Variants in NEK4 observed in about 807,000 individuals in gnomAD.
NEK4 encodes the protein serine/threonine-protein kinase Nek4.
NEK4 carries 86 observed loss-of-function variants against 98.4 expected under a neutral mutation model. The observed-to-expected ratio is 0.87, with a 90% CI of 0.73 to 1.05. NEK4 has a LOEUF of 1.05. Ranked by LOEUF, NEK4 falls within the 50% of genes least tolerant of loss-of-function variation. NEK4 has a pLI of 0.00. For synonymous variants in NEK4, 328 were observed against 342.2 expected (o/e 0.96, Z 0.46); for missense variants, 898 against 950.3 (o/e 0.94, Z 0.72).
At chr3:52,732,331 C>T (rs2097370611) in intron 15 of NEK4, among the ~76,000 whole-genome samples, 1 of 152,096 alleles carries the variant, frequency 6.6e-6, no homozygotes, top group Non-Finnish European at 1.5e-5. Context: ...GTAGTTGGGA[C>T]TACAGATGCC....
At chr3:52,751,252 G>A (rs1205605956) in intron 7 of NEK4, among the ~76,000 whole-genome samples, 4 of 151,988 alleles carry the variant, frequency 2.6e-5, no homozygotes, top group East Asian at 1.9e-4. Flanking sequence ...TCAGGAGATC[G>A]AGACCATCCT....
intron 8 of NEK4, 139 bp from the exon 9 acceptor site, chr3:52,747,043 G>A (rs1184948626): frequency 3.2e-6 from 2 of 634,102 alleles, no homozygotes; most frequent in African/African-American, 1.8e-5. Context: ...TTTCCATATT[G>A]CAATTTAGTG....
rs749828297 is a variant in NEK4 at position 52,751,993 on chromosome 3, TC to T, written c.1306del (p.Glu436LysfsTer6). 6.2e-7 allele frequency: 1 copy of T among 1,614,136 alleles called. No homozygotes were observed. Among genetic ancestry groups the T allele is most frequent in the Admixed American group, 1.7e-5 (1 of 60,014 alleles). On this transcript the variant is annotated frameshift_variant, in exon 7 of 16. Transcript: ENST00000233027. LOFTEE classifies it high-confidence loss of function. ...CAGAGGCTTCACTGGTTCATTCTTT[TC>T]CCCAGTGACAATGTCAGAGGACCAC... The part of the protein sequence containing the change: ...PMWSSDIVTG[E>X]KNEPVKPLQP...
intron 15 of NEK4, among the ~76,000 whole-genome samples, chr3:52,719,218 T>A (rs549143010): frequency 5.9e-5 from 9 of 152,312 alleles, no homozygotes; most frequent in African/African-American, 2.2e-4. Context: ...CAACTGAACC[T>A]GTGTTTTAGA....
chr3:52,754,529 CT>C, intron 6 of NEK4: 1 of 1,314,760 alleles, frequency 7.6e-7, no homozygotes, highest in Non-Finnish European at 1.1e-6. Flanking sequence ...ATGCAATTAG[CT>C]TTTCTCCATG....
At chr3:52,758,762 C>G (rs904187967) in intron 6 of NEK4, among the ~76,000 whole-genome samples, 1 of 152,124 alleles carries the variant, frequency 6.6e-6, no homozygotes, top group Middle Eastern at 3.4e-3. Context: ...GAACACAGAT[C>G]GAGAACTCCT....
chr3:52,734,837 G>A, intron 15 of NEK4: 2 of 315,662 alleles, frequency 6.3e-6, no homozygotes, highest in African/African-American at 2.3e-5. Context: ...GCAAGAGGAT[G>A]ATAAACCAGA....
At chr3:52,723,585 T>A (rs976055049) in intron 15 of NEK4, among the ~76,000 whole-genome samples, 1 of 151,916 alleles carries the variant, frequency 6.6e-6, no homozygotes. Flanking sequence ...ATAACTGCAA[T>A]GAAAAAGCAG....
intron 6 of NEK4, among the ~76,000 whole-genome samples, chr3:52,756,003 G>C (rs567300179): frequency 2.0e-5 from 3 of 152,220 alleles, no homozygotes; most frequent in Non-Finnish European, 4.4e-5. Context: ...GACTTACATA[G>C]TGAAATCTAC....
At chr3:52,759,343 T>C (rs1048941835) in intron 6 of NEK4, among the ~76,000 whole-genome samples, 3 of 151,578 alleles carry the variant, frequency 2.0e-5, no homozygotes, top group African/African-American at 7.3e-5. Context: ...GGAGGCTAGA[T>C]TGAGCCGTGA....
chr3:52,737,452 T>C (rs6445535), intron 15 of NEK4, 134 bp downstream of exon 15: 371,434 of 864,746 alleles, frequency 0.43, 81,364 homozygotes, highest in Admixed American at 0.53. Flanking sequence ...GACTGTACAA[T>C]GTTGTAAACA....
intron 10 of NEK4, among the ~76,000 whole-genome samples, chr3:52,745,093 G>A (rs189493666): frequency 6.6e-6 from 1 of 151,744 alleles, no homozygotes; most frequent in Non-Finnish European, 1.5e-5. Flanking sequence ...TTTTATTTTT[G>A]TATTTTTAGT....
chr3:52,714,299 G>C (rs939238759), intron 15 of NEK4, among the ~76,000 whole-genome samples: 1 of 152,224 alleles, frequency 6.6e-6, no homozygotes, highest in African/African-American at 2.4e-5. Flanking sequence ...AATTATAGGA[G>C]GCCATTGTTT....
At chr3:52,717,566 A>G (rs1332177698) in intron 15 of NEK4, among the ~76,000 whole-genome samples, 2 of 152,114 alleles carry the variant, frequency 1.3e-5, no homozygotes, top group African/African-American at 4.8e-5. Context: ...CTAAGTTTCT[A>G]AAGTGGGGGT....
chr3:52,716,202 G>A (rs534898252), intron 15 of NEK4, among the ~76,000 whole-genome samples: 1 of 152,294 alleles, frequency 6.6e-6, no homozygotes, highest in Admixed American at 6.5e-5. Context: ...GTAATATAGT[G>A]CAATGCCAGG....
Position 52,744,323 on chromosome 3 carries a change from A to T in NEK4, c.1828-18T>A. 1 of 1,593,978 alleles carries T rather than the reference A, an allele frequency of 6.3e-7. No individual in the cohort carries two copies. The highest frequency in any genetic ancestry group is 8.6e-7 in the Non-Finnish European group (1 of 1,161,696). ...GGTCGATCCTTTAAAAGAAAGTCACAGAGTCACTTCCATTCCTACTTGCTA... is the reference window on the plus strand; with the variant it reads ...GGTCGATCCTTTAAAAGAAAGTCACTGAGTCACTTCCATTCCTACTTGCTA... On this transcript the variant is annotated intron_variant, in intron 10 of 15. Coordinates refer to ENST00000233027, the MANE Select transcript of NEK4 (RefSeq NM_003157.6).
chr3:52,733,686 AAT>A (rs2097372158), intron 15 of NEK4: 1 of 450,036 alleles, frequency 2.2e-6, no homozygotes, highest in South Asian at 1.6e-5. Context: ...AAACTTTACA[AAT>A]ATAGTGAATG....
intron 15 of NEK4, among the ~76,000 whole-genome samples, chr3:52,725,723 C>T (rs2097363920): frequency 6.6e-6 from 1 of 151,338 alleles, no homozygotes; most frequent in Non-Finnish European, 1.5e-5. Flanking sequence ...AAAACAGTTA[C>T]AGGACATGTT....
intron 7 of NEK4, among the ~76,000 whole-genome samples, chr3:52,751,509 T>C (rs1380079312): frequency 6.7e-6 from 1 of 150,096 alleles, no homozygotes; most frequent in Non-Finnish European, 1.5e-5. Context: ...TAATCCCAGC[T>C]ACTCAGGAGG....
Sources: allele counts gnomAD v4.1 joint callset (sites outside exome capture counted in the v4.1 genomes callset), GRCh38; gene constraint gnomAD v4.1.1; transcripts MANE v1.5; gene names NCBI Gene and HGNC (gene_info 2026-07-23, HGNC 2026-07-21).